WRN: variants seen among roughly 807,000 people sequenced by gnomAD.
WRN encodes WRN RecQ like helicase, also known as bifunctional 3'-5' exonuclease/ATP-dependent helicase WRN.
Under a neutral mutation model 180.7 loss-of-function variants are expected in WRN, and 149 were observed. The observed-to-expected ratio is 0.82, with a 90% CI of 0.72 to 0.94. WRN has a LOEUF of 0.94. Ranked by LOEUF, WRN falls within the 40% of genes least tolerant of loss-of-function variation. The pLI is 0.00. For synonymous variants in WRN, 548 were observed against 568.9 expected (o/e 0.96, Z 0.52); for missense variants, 1,661 against 1,700.1 (o/e 0.98, Z 0.40).
chr8:31,146,728 G>T (rs897627281), intron 28 of WRN, among the ~76,000 whole-genome samples: 3 of 152,154 alleles, frequency 2.0e-5, no homozygotes, highest in Admixed American at 1.3e-4. Flanking sequence ...AGACGTTAAC[G>T]TGTCATCTTC....
rs112146491 is a variant in WRN, at chr8:31,165,887, C to T, written c.3983-1135C>T. Among the ~76,000 whole-genome samples the T allele has an allele frequency of 2.5e-3, 385 of 152,140 alleles. 2 individuals carry two copies. The highest frequency in any genetic ancestry group is 4.8e-3 in the Non-Finnish European group (329 of 67,928). ...TGATATAATGACCAAGAGACAAATA[C>T]AATTTTAGTTTGGTTGAGAGATGTG... On this transcript the variant is annotated intron_variant, in intron 33 of 34. Coordinates refer to ENST00000298139, the MANE Select transcript of WRN (RefSeq NM_000553.6).
chr8:31,040,179 T>C (rs1811595787), intron 1 of WRN, among the ~76,000 whole-genome samples: 2 of 152,314 alleles, frequency 1.3e-5, no homozygotes, highest in African/African-American at 2.4e-5. Context: ...TGAAGGTGAC[T>C]TACTAAGATG....
chr8:31,099,279 C>T (rs1466181869), intron 17 of WRN, among the ~76,000 whole-genome samples: 1 of 151,962 alleles, frequency 6.6e-6, no homozygotes, highest in African/African-American at 2.4e-5. Flanking sequence ...TGGTGGGTGC[C>T]TGTAGTCCCA....
chr8:31,059,228 G>A lies in WRN; in HGVS notation c.172G>A (p.Asp58Asn), dbSNP rs773803207. Residue 58 changes from aspartate to asparagine, a missense_variant, in exon 3 of 35, where the codon GAT becomes AAT. Physicochemically the swap from Asp to Asn is conservative, Grantham distance 23 (BLOSUM62 1). Coordinates refer to ENST00000298139, the MANE Select transcript of WRN (RefSeq NM_000553.6). ...EFTGSIVYSY[D>N]ASDCSFLSED... ...CACTGGATCCATTGTGTATAGTTAC[G>A]ATGCTAGTGATTGCTCTTTCCTGTC... The A allele has an allele frequency of 1.2e-5, 19 of 1,613,640 alleles. No individual in the cohort carries two copies. Among genetic ancestry groups the A allele is most frequent in the East Asian group, 6.7e-5 (3 of 44,798 alleles).
intron 1 of WRN, among the ~76,000 whole-genome samples, chr8:31,056,730 T>TAATACA (rs1812290143): frequency 6.6e-6 from 1 of 152,218 alleles, no homozygotes; most frequent in Non-Finnish European, 1.5e-5. Flanking sequence ...TTGGGACTCC[T>TAATACA]GTATTATTAA....
At chr8:31,117,579 A>G (rs1337228992) in intron 20 of WRN, among the ~76,000 whole-genome samples, 2 of 152,108 alleles carry the variant, frequency 1.3e-5, no homozygotes, top group African/African-American at 4.8e-5. Flanking sequence ...CACTGTCAAC[A>G]TGAAATCCAC....
At chr8:31,053,337 T>C (rs1385836808) in intron 1 of WRN, among the ~76,000 whole-genome samples, 1 of 152,258 alleles carries the variant, frequency 6.6e-6, no homozygotes, top group Non-Finnish European at 1.5e-5. Context: ...GGTTGTCTTA[T>C]TCATGGAGAA....
At chr8:31,078,407 C>T (rs939864109) in intron 8 of WRN, among the ~76,000 whole-genome samples, 8 of 152,100 alleles carry the variant, frequency 5.3e-5, no homozygotes, top group East Asian at 1.9e-4. Context: ...AGCTTACTTT[C>T]GGCATTTCTG....
chr8:31,100,551 C>G (rs1814182518), intron 17 of WRN, among the ~76,000 whole-genome samples: 1 of 152,144 alleles, frequency 6.6e-6, no homozygotes, highest in Non-Finnish European at 1.5e-5. Context: ...GGCAAAGTCA[C>G]AGTAAGCAAT....
intron 26 of WRN, among the ~76,000 whole-genome samples, chr8:31,142,417 C>T (rs146897098): frequency 6.6e-6 from 1 of 151,948 alleles, no homozygotes; most frequent in East Asian, 1.9e-4. Context: ...TTTTTTGTAC[C>T]TTTACATGTG....
At chr8:31,065,344 A>G (rs1812655974) in intron 5 of WRN, among the ~76,000 whole-genome samples, 1 of 152,098 alleles carries the variant, frequency 6.6e-6, no homozygotes, top group African/African-American at 2.4e-5. Flanking sequence ...CCCGGGTATT[A>G]AGCCTGGTAC....
At chr8:31,162,388 C>G (rs548518754) in intron 33 of WRN, among the ~76,000 whole-genome samples, 1 of 152,282 alleles carries the variant, frequency 6.6e-6, no homozygotes, top group East Asian at 1.9e-4. Context: ...TATCTTCCAC[C>G]TCCACATCTT....
At chr8:31,116,316 G>A in intron 19 of WRN, 38 bp from the exon 20 acceptor site, 2 of 1,606,492 alleles carry the variant, frequency 1.2e-6, no homozygotes, top group South Asian at 2.2e-5. Context: ...CATGTATAAA[G>A]TATATATGTT....
At chr8:31,169,070 T>G (rs1419002936) in intron 34 of WRN, among the ~76,000 whole-genome samples, 1 of 151,974 alleles carries the variant, frequency 6.6e-6, no homozygotes. Flanking sequence ...AAATCATACT[T>G]TTTAGTGTTT....
chr8:31,091,171 C>T (rs868003977), intron 15 of WRN, among the ~76,000 whole-genome samples: 1 of 152,116 alleles, frequency 6.6e-6, no homozygotes, highest in Middle Eastern at 3.4e-3. Flanking sequence ...TTTTAAAAAA[C>T]ATTATTACTT....
chr8:31,124,919 C>A lies in WRN; in HGVS notation c.2744C>A (p.Ser915Tyr). ...SSRCRRQIIL[S>Y]HFEDKQVQKA... Reference sequence around the variant, plus strand: ...TTTGTCTTGGGTAGAATCATCTTGTCTCATTTTGAGGACAAACAAGTACAA... The same window carrying A: ...TTTGTCTTGGGTAGAATCATCTTGTATCATTTTGAGGACAAACAAGTACAA... Residue 915 changes from serine (S) to tyrosine (Y), a missense_variant, in exon 23 of 35, where the codon TCT becomes TAT. Coordinates refer to ENST00000298139, the MANE Select transcript of WRN (RefSeq NM_000553.6). The A allele has an allele frequency of 6.2e-7, 1 of 1,612,776 alleles. No individual in the cohort carries two copies. The highest frequency in any genetic ancestry group is 8.5e-7 in the Non-Finnish European group (1 of 1,179,334).
intron 7 of WRN, among the ~76,000 whole-genome samples, chr8:31,070,236 C>T (rs528580494): frequency 4.0e-5 from 6 of 151,802 alleles, no homozygotes; most frequent in African/African-American, 1.4e-4. Context: ...CCCTTCCTTC[C>T]TTTCTGTTAT....
chr8:31,057,582 C>CA (rs1812320835), intron 1 of WRN, among the ~76,000 whole-genome samples: 1 of 151,628 alleles, frequency 6.6e-6, no homozygotes, highest in Admixed American at 6.6e-5. Flanking sequence ...AAACAAAAAA[C>CA]AAAAAACAAA....
At chr8:31,059,997 G>T (rs1327458658) in intron 3 of WRN, among the ~76,000 whole-genome samples, 2 of 151,810 alleles carry the variant, frequency 1.3e-5, no homozygotes, top group Non-Finnish European at 2.9e-5. Flanking sequence ...CAGAGGTTGC[G>T]GTGAGCCAAG....
Sources: gnomAD v4.1 joint callset for allele counts (sites outside exome capture counted in the v4.1 genomes callset) on GRCh38, gnomAD v4.1.1 for gene constraint, MANE v1.5 for transcripts, NCBI Gene and HGNC (gene_info 2026-07-23, HGNC 2026-07-21) for gene names.